The following EYS variants were observed in gnomAD, a reference collection of about 807,000 sequenced individuals.
EYS encodes protein eyes shut homolog.
EYS carries 250 observed loss-of-function variants against 282.1 expected under a neutral mutation model. The ratio of observed to expected loss-of-function variants is 0.89; its 90% confidence interval spans 0.80 to 0.98. The LOEUF is 0.98. Ranked by LOEUF, EYS falls within the 50% of genes least tolerant of loss-of-function variation. The probability of loss-of-function intolerance (pLI) is 0.00; values close to 1 mark genes in which losing one functional copy is unlikely to be tolerated. For synonymous variants in EYS, 1,355 were observed against 1,282.9 expected (o/e 1.06, Z -1.20); for missense variants, 4,016 against 3,709.0 (o/e 1.08, Z -2.15).
intron 12 of EYS, among the ~76,000 whole-genome samples, chr6:65,106,568 C>T (rs550725729): frequency 1.5e-4 from 23 of 152,012 alleles, no homozygotes; most frequent in African/African-American, 5.1e-4. Context: ...TATTTGAAAC[C>T]GACACTCTTG....
chr6:64,615,800 C>A (rs1767255698), intron 24 of EYS, among the ~76,000 whole-genome samples: 1 of 152,030 alleles, frequency 6.6e-6, no homozygotes, highest in Admixed American at 6.6e-5. Flanking sequence ...AGAATGGTTG[C>A]AAAACTATCC....
chr6:65,503,797 T>C (rs1766548842), intron 2 of EYS, among the ~76,000 whole-genome samples: 1 of 151,742 alleles, frequency 6.6e-6, no homozygotes, highest in South Asian at 2.1e-4. Context: ...GGACTATCTA[T>C]TCTGTTCCAT....
intron 29 of EYS, among the ~76,000 whole-genome samples, chr6:64,376,932 C>T (rs1772579588): frequency 6.6e-6 from 1 of 152,114 alleles, no homozygotes; most frequent in Non-Finnish European, 1.5e-5. Flanking sequence ...CACCCACTAC[C>T]TCACCTTAAA....
intron 29 of EYS, among the ~76,000 whole-genome samples, chr6:64,308,727 C>G (rs1455501925): frequency 6.6e-6 from 1 of 151,838 alleles, no homozygotes; most frequent in Non-Finnish European, 1.5e-5. Context: ...AGTTTAGAAC[C>G]TTTGAAAGTT....
At chr6:64,949,747 T>C (rs1395059797) in intron 14 of EYS, among the ~76,000 whole-genome samples, 2 of 151,894 alleles carry the variant, frequency 1.3e-5, no homozygotes, top group African/African-American at 2.4e-5. Context: ...GAGGATCATC[T>C]TAAAATTTTG....
At chr6:64,844,649 C>T (rs925195024) in intron 19 of EYS, among the ~76,000 whole-genome samples, 1 of 152,032 alleles carries the variant, frequency 6.6e-6, no homozygotes, top group Admixed American at 6.6e-5. Flanking sequence ...TTGAAACCCT[C>T]TTTAGGGGAA....
At chr6:64,529,614 T>C (rs541072508) in intron 26 of EYS, among the ~76,000 whole-genome samples, 1 of 152,158 alleles carries the variant, frequency 6.6e-6, no homozygotes, top group Admixed American at 6.5e-5. Flanking sequence ...GCTTTTCTTA[T>C]GAGTATAATT....
chr6:65,464,424 C>T (rs1252064549), intron 5 of EYS, among the ~76,000 whole-genome samples: 1 of 152,060 alleles, frequency 6.6e-6, no homozygotes, highest in African/African-American at 2.4e-5. Context: ...TAAGATATCT[C>T]CCAAATTATG....
At chr6:64,861,852 A>C (rs1042166071) in intron 19 of EYS, among the ~76,000 whole-genome samples, 1 of 151,866 alleles carries the variant, frequency 6.6e-6, no homozygotes, top group Non-Finnish European at 1.5e-5. Flanking sequence ...ACCTTCATTT[A>C]CTCCTCTAAT....
At chr6:64,334,829 T>C (rs1770782405) in intron 29 of EYS, among the ~76,000 whole-genome samples, 1 of 152,144 alleles carries the variant, frequency 6.6e-6, no homozygotes. Flanking sequence ...TTAGCTCATG[T>C]TCCAGTCCAG....
intron 5 of EYS, among the ~76,000 whole-genome samples, chr6:65,423,692 C>A (rs907589289): frequency 1.3e-5 from 2 of 151,914 alleles, no homozygotes; most frequent in Non-Finnish European, 2.9e-5. Context: ...TTTACATTCA[C>A]CCTAGGCCCA....
At chr6:65,348,990 A>T (rs1292036341) in intron 9 of EYS, among the ~76,000 whole-genome samples, 1 of 151,636 alleles carries the variant, frequency 6.6e-6, no homozygotes, top group Non-Finnish European at 1.5e-5. Flanking sequence ...CTTTTTATGT[A>T]TTAAAACTTG....
intron 12 of EYS, among the ~76,000 whole-genome samples, chr6:65,100,412 A>G (rs1412817670): frequency 1.3e-5 from 2 of 150,870 alleles, no homozygotes; most frequent in Admixed American, 1.3e-4. Context: ...ATGAATGCAC[A>G]TTTTAAAATG....
chr6:65,404,677 A>T (rs929066021), intron 6 of EYS, among the ~76,000 whole-genome samples: 1 of 151,840 alleles, frequency 6.6e-6, no homozygotes, highest in Non-Finnish European at 1.5e-5. Context: ...AAGTTCAGCA[A>T]TTTTTTTGAT....
intron 35 of EYS, among the ~76,000 whole-genome samples, chr6:63,900,369 G>C (rs1306672383): frequency 6.6e-6 from 1 of 152,120 alleles, no homozygotes; most frequent in South Asian, 2.1e-4. Context: ...AAGTACAATG[G>C]GGGAGGGGGT....
chr6:64,488,820 A>G (rs1200951859), intron 26 of EYS, among the ~76,000 whole-genome samples: 1 of 150,996 alleles, frequency 6.6e-6, no homozygotes, highest in Non-Finnish European at 1.5e-5. Context: ...TGCTTCTAAT[A>G]TTCAACCTTT....
intron 16 of EYS, among the ~76,000 whole-genome samples, chr6:64,909,735 G>A (rs561961742): frequency 4.2e-4 from 64 of 151,840 alleles, no homozygotes; most frequent in African/African-American, 1.4e-3. Flanking sequence ...AGCTTACTTT[G>A]CTAAAAGGAT....
chr6:64,716,196 C>G (rs1252884705), intron 22 of EYS, among the ~76,000 whole-genome samples: 13 of 152,218 alleles, frequency 8.5e-5, no homozygotes, highest in Admixed American at 8.5e-4. Context: ...AACTCACATT[C>G]AGAAGCAATC....
At chr6:64,329,568 C>T (rs1000774176) in intron 29 of EYS, among the ~76,000 whole-genome samples, 3 of 152,006 alleles carry the variant, frequency 2.0e-5, no homozygotes, top group African/African-American at 4.8e-5. Flanking sequence ...AGACAATCCC[C>T]CGGGGCTAGC....
Sources: allele counts gnomAD v4.1 joint callset (sites outside exome capture counted in the v4.1 genomes callset), GRCh38; gene constraint gnomAD v4.1.1; transcripts MANE v1.5; gene names NCBI Gene and HGNC (gene_info 2026-07-23, HGNC 2026-07-21).